Variants in ONECUT1 observed in about 807,000 individuals in gnomAD.
The protein encoded by ONECUT1 is one cut homeobox 1, also known as hepatocyte nuclear factor 6.
A neutral mutation model predicts 25.6 loss-of-function variants in ONECUT1; 12 were observed. The ratio of observed to expected loss-of-function variants is 0.47; its 90% CI spans 0.30 to 0.76. The LOEUF is 0.76. ONECUT1 is among the 30% of genes least tolerant of loss of function. The pLI is 0.07. For missense variants in ONECUT1, 620 were observed against 651.2 expected (o/e 0.95, Z 0.52); for synonymous variants, 285 against 270.2 (o/e 1.05, Z -0.54).
intron 1 of ONECUT1, among the ~76,000 whole-genome samples, chr15:52,786,622 G>T (rs918814458): frequency 1.9e-4 from 29 of 152,238 alleles, no homozygotes; most frequent in African/African-American, 7.0e-4. Flanking sequence ...CAGCGTGCGG[G>T]TCCCAGCACT....
chr15:52,777,950 C>A (rs1486541883), intron 1 of ONECUT1, among the ~76,000 whole-genome samples: 1 of 152,058 alleles, frequency 6.6e-6, no homozygotes, highest in Non-Finnish European at 1.5e-5. Flanking sequence ...GAATGTAATT[C>A]CTATGAGAGC....
intron 1 of ONECUT1, chr15:52,780,839 G>A (rs2083836365): frequency 7.5e-7 from 1 of 1,330,418 alleles, no homozygotes; most frequent in African/African-American, 1.5e-5. Context: ...ATCACCAGAT[G>A]TGAAAACGAA....
At chr15:52,775,542 C>G (rs1466139321) in intron 1 of ONECUT1, among the ~76,000 whole-genome samples, 1 of 151,104 alleles carries the variant, frequency 6.6e-6, no homozygotes, top group Non-Finnish European at 1.5e-5. Context: ...AAACTGGTAA[C>G]AGGGGTTTCT....
chr15:52,780,640 T>C lies in ONECUT1; in HGVS notation c.1105+8140A>G, dbSNP rs780997235. ...GACTCCATCAATACTCGAATCGCTT[T>C]AGCCACTCCTCTCACGCACTTCAGT... On this transcript the variant is annotated intron_variant, in intron 1 of 1. Coordinates refer to ENST00000305901, the MANE Select transcript of ONECUT1 (RefSeq NM_004498.4). 7 of 1,535,372 alleles carry C rather than the reference T, an allele frequency of 4.6e-6. No homozygotes were observed. In the South Asian group the frequency reaches 8.3e-5, roughly 18 times the overall value.
intron 1 of ONECUT1, among the ~76,000 whole-genome samples, chr15:52,774,506 C>A (rs150033779): frequency 1.3e-5 from 2 of 152,060 alleles, no homozygotes; most frequent in African/African-American, 4.8e-5. Flanking sequence ...CACCATGTTG[C>A]TTAGGCTGGT....
Position 52,788,977 on chromosome 15 carries a change from G to T in ONECUT1, c.908C>A (p.Thr303Asn). Residue 303 changes from threonine (T) to asparagine (N), a missense_variant, in exon 1 of 2, where the codon ACC becomes AAC. By Grantham distance (65) the Thr-to-Asn change is moderately conservative (BLOSUM62 0). Around this residue, in one of 4 missense-constraint regions of ONECUT1, gnomAD observed 146 missense variants for 201.8 expected, o/e 0.72. Coordinates refer to ENST00000305901, the MANE Select transcript of ONECUT1 (RefSeq NM_004498.4). The surrounding 1 kb of genome is among the most constrained non-coding windows in gnomAD (Gnocchi z 4.3). ...NTKEVAQRIT[T>N]ELKRYSIPQA... ...TGGGATGCTGTAGCGCTTGAGCTCGGTGGTGATACGCTGCGCCACCTCTTT... is the reference window on the plus strand; with the variant it reads ...TGGGATGCTGTAGCGCTTGAGCTCGTTGGTGATACGCTGCGCCACCTCTTT... 6.2e-7 allele frequency: 1 copy of T among 1,612,668 alleles called. No individual in the cohort carries two copies. Among genetic ancestry groups the T allele is most frequent in the Non-Finnish European group, 8.5e-7 (1 of 1,180,026 alleles).
At chr15:52,781,974 G>C (rs2083844118) in intron 1 of ONECUT1, among the ~76,000 whole-genome samples, 1 of 152,058 alleles carries the variant, frequency 6.6e-6, no homozygotes, top group Non-Finnish European at 1.5e-5. Flanking sequence ...TGTACTTTAG[G>C]GTCTAGTTCT....
chr15:52,771,736 G>T (rs1224537686), intron 1 of ONECUT1, among the ~76,000 whole-genome samples: 1 of 151,962 alleles, frequency 6.6e-6, no homozygotes, highest in African/African-American at 2.4e-5. Flanking sequence ...GGTGATTTGT[G>T]AGATTTTGGT....
chr15:52,757,869 G>A (rs991115416), intron 1 of ONECUT1, 22 bp from the exon 2 acceptor site: 1 of 1,605,474 alleles, frequency 6.2e-7, no homozygotes, highest in Non-Finnish European at 8.5e-7. Context: ...CACAGAAGAT[G>A]TTAGAACAAA....
intron 1 of ONECUT1, among the ~76,000 whole-genome samples, chr15:52,775,815 T>C (rs1566991819): frequency 6.6e-6 from 1 of 152,248 alleles, no homozygotes; most frequent in Non-Finnish European, 1.5e-5. Context: ...CCATCACAGA[T>C]AGATTTGTAA....
intron 1 of ONECUT1, among the ~76,000 whole-genome samples, chr15:52,777,737 C>CACACACACAAAA (rs57187579): frequency 2.9e-5 from 3 of 103,450 alleles, no homozygotes; most frequent in African/African-American, 1.3e-4. Flanking sequence ...CACACACACA[C>CACACACACAAAA]AAAAAAACAT....
intron 1 of ONECUT1, among the ~76,000 whole-genome samples, chr15:52,760,575 A>C (rs1165878173): frequency 2.0e-5 from 3 of 152,176 alleles, no homozygotes; most frequent in Admixed American, 2.0e-4. Flanking sequence ...GATGGGCCCT[A>C]AAGGATAAAT....
At chr15:52,785,084 C>T (rs979513888) in intron 1 of ONECUT1, among the ~76,000 whole-genome samples, 1 of 152,272 alleles carries the variant, frequency 6.6e-6, no homozygotes, top group Admixed American at 6.5e-5. Context: ...GCGTCCCACA[C>T]GCCCAGTCCT....
intron 1 of ONECUT1, chr15:52,780,585 G>T (rs1396524140): frequency 1.9e-5 from 29 of 1,534,868 alleles, no homozygotes; most frequent in Admixed American, 5.9e-5. Context: ...TAATAGCAAA[G>T]ATTAAATTGC....
chr15:52,774,211 T>A (rs1364074350), intron 1 of ONECUT1, among the ~76,000 whole-genome samples: 1 of 152,080 alleles, frequency 6.6e-6, no homozygotes, highest in East Asian at 1.9e-4. Flanking sequence ...TTTATTTTTT[T>A]TCTTTATTAG....
In ONECUT1 at chr15:52,784,493, C is replaced by T. The variant is rs2141463536; in HGVS notation, c.1105+4287G>A. ...GGTCGCCACACAATAGCCATCAGCC[C>T]CCCTTAAGCCCCAGAAGTAGGTTTC... On this transcript the variant is annotated intron_variant, in intron 1 of 1. Coordinates refer to ENST00000305901, the MANE Select transcript of ONECUT1 (RefSeq NM_004498.4). This position sits in a 1 kb window ranked among gnomAD's most constrained non-coding sequence, Gnocchi z 5.0. Among the ~76,000 whole-genome samples the T allele has an allele frequency of 6.6e-6, 1 of 152,302 alleles. No homozygotes were observed. The highest frequency in any genetic ancestry group is 3.4e-3 in the Middle Eastern group (1 of 294).
chr15:52,784,143 A>G lies in ONECUT1; in HGVS notation c.1105+4637T>C, dbSNP rs767738388. On this transcript the variant is annotated intron_variant, in intron 1 of 1. Transcript: ENST00000305901. The surrounding 1 kb of genome is among the most constrained non-coding windows in gnomAD (Gnocchi z 5.0). The stretch of plus-strand genomic sequence containing the variant: ...CCGGCTACCCCCAGAAAGGGAGCCG[A>G]ATGGAGGGAAGCAGGGAGCGCGGAG... Among the ~76,000 whole-genome samples, 1 of 152,234 alleles carries G rather than the reference A, an allele frequency of 6.6e-6. No homozygotes were observed. The highest frequency in any genetic ancestry group is 1.5e-5 in the Non-Finnish European group (1 of 68,004).
rs2083680149 is a variant in ONECUT1, at chr15:52,757,520, C to A, written c.*35G>T. On this transcript the variant is annotated 3_prime_UTR_variant, in exon 2 of 2. Transcript: ENST00000305901. ...TTTAAAAATTTTTTTTAATTTAAAG[C>A]TTTTCCACCGAGGTTTTAGTTTGTG... 2 of 1,564,116 alleles carry A rather than the reference C, an allele frequency of 1.3e-6. No homozygotes were observed. The highest frequency in any genetic ancestry group is 1.2e-5 in the South Asian group (1 of 82,358).
At position 52,789,211 on chromosome 15, in the gene ONECUT1, A is replaced by G; in HGVS notation, c.674T>C (p.Met225Thr). Residue 225 changes from methionine (M) to threonine (T), a missense_variant, in exon 1 of 2, where the codon ATG becomes ACG. Around this residue, in one of 4 missense-constraint regions of ONECUT1, gnomAD observed 440 missense variants for 404.9 expected, o/e 1.09. Transcript: ENST00000305901. The surrounding 1 kb of genome is among the most constrained non-coding windows in gnomAD (Gnocchi z 4.1). ...PNGFEAHHPA[M>T]LGRHGEQHLT... is the part of the protein sequence containing the mutation. ...GTGCTGCTCCCCGTGGCGGCCGAGC[A>G]TGGCCGGGTGGTGGGCTTCGAAGCC... 6.4e-7 allele frequency: 1 copy of G among 1,563,472 alleles called. No individual in the cohort carries two copies. Among genetic ancestry groups the G allele is most frequent in the East Asian group, 2.3e-5 (1 of 44,342 alleles).
Sources: gnomAD v4.1 joint callset for allele counts (sites outside exome capture counted in the v4.1 genomes callset) on GRCh38, gnomAD v4.1.1 for gene constraint, gnomAD v4.1.1 regional missense constraint, Gnocchi (gnomAD v3.1) non-coding constraint, MANE v1.5 for transcripts, NCBI Gene and HGNC (gene_info 2026-07-23, HGNC 2026-07-21) for gene names.